Variants in TSGA13 observed in about 807,000 individuals in gnomAD.
The protein encoded by TSGA13 is testis specific 13.
A neutral mutation model predicts 35.1 loss-of-function variants in TSGA13; 37 were observed. The ratio of observed to expected loss-of-function variants is 1.05; its 90% CI spans 0.81 to 1.39. The LOEUF is 1.39. TSGA13 is among the 40% of genes most tolerant of loss of function. The pLI is 0.00. For synonymous variants in TSGA13, 124 were observed against 121.2 expected, an observed-to-expected ratio of 1.02 and a Z score of -0.15; for missense variants, 338 against 328.5, an observed-to-expected ratio of 1.03 and a Z score of -0.22.
At position 130,679,519 on chromosome 7, in the gene TSGA13, G is replaced by GTT. The variant is rs535011256; in HGVS notation, c.175-154_175-153dup. ...TGTAGGGTTTTTTGGTTTTGTTTTTGTTTTTTTTGAGACGGAGTCTCACTC... is the reference window on the plus strand; with the variant it reads ...TGTAGGGTTTTTTGGTTTTGTTTTTGTTTTTTTTTTGAGACGGAGTCTCACTC... On this transcript the variant is annotated intron_variant, in intron 4 of 7. Coordinates refer to ENST00000356588, the MANE Select transcript of TSGA13 (RefSeq NM_052933.4). The GTT allele has an allele frequency of 3.1e-4, 226 of 737,370 alleles. No homozygotes were observed. In the African/African-American group the frequency reaches 3.4e-3, roughly 11 times the overall value. 45.7% of individuals were successfully genotyped at this position (737,370 alleles called of 1,614,324 possible).
chr7:130,685,312 AAT>A lies in TSGA13; in HGVS notation c.-104_-103del. 6.3e-7 allele frequency: 1 copy of A among 1,585,984 alleles called. No individual in the cohort carries two copies. The highest frequency in any genetic ancestry group is 2.3e-5 in the East Asian group (1 of 44,062). ...TTCTGCAGGGGTTCAATTCAATCCA[AAT>A]ATTCTTTCCTTAGCACACAGTGTGT... On this transcript the variant is annotated 5_prime_UTR_variant, in exon 2 of 8. The change abolishes the stop of an existing upstream ORF in the 5' untranslated region. Transcript: ENST00000356588.
rs782599084 is a variant in TSGA13 at position 130,672,782 on chromosome 7, G to T, written c.482C>A (p.Pro161His). The T allele has an allele frequency of 1.2e-6, 2 of 1,614,138 alleles. No individual in the cohort carries two copies. The highest frequency in any genetic ancestry group is 1.7e-6 in the Non-Finnish European group (2 of 1,179,988). Residue 161 changes from proline (P) to histidine (H), a missense_variant, in exon 6 of 8, where the codon CCT (proline) becomes CAT (histidine). By Grantham distance (77) the Pro-to-His change is moderately conservative (BLOSUM62 -2). Coordinates refer to ENST00000356588, the MANE Select transcript of TSGA13 (RefSeq NM_052933.4). ...KLRSKLKPIF[P>H]LILSDDPTSK... ...TGTGGGATCATCCGACAGTATCAAA[G>T]GGAAGATTGGTTTCAGCTTAGATCT... is the stretch of plus-strand genomic sequence containing the variant.
chr7:130,683,325 G>GT (rs1199488773), intron 3 of TSGA13, among the ~76,000 whole-genome samples: 2 of 152,200 alleles, frequency 1.3e-5, no homozygotes, highest in East Asian at 1.9e-4. Flanking sequence ...TAAAGTCTGC[G>GT]TAAGTTAGGG....
chr7:130,668,699 C>A lies in TSGA13; in HGVS notation c.*315G>T, dbSNP rs781856609. ...ACGACTTCCCAGCGCCCAGACCCAC[C>A]GCAACCGTCCCAGGCGCCGCAGCCG... On this transcript the variant is annotated 3_prime_UTR_variant, in exon 8 of 8. Coordinates refer to ENST00000356588, the MANE Select transcript of TSGA13 (RefSeq NM_052933.4). 6 of 1,519,286 alleles carry A rather than the reference C, an allele frequency of 3.9e-6. No individual in the cohort carries two copies. Among genetic ancestry groups the A allele is most frequent in the East Asian group, 2.8e-5 (1 of 35,440 alleles). 94.1% of individuals were successfully genotyped at this position (1,519,286 alleles called of 1,614,324 possible).
chr7:130,684,145 A>G (rs557104591), intron 2 of TSGA13, among the ~76,000 whole-genome samples: 1 of 152,216 alleles, frequency 6.6e-6, no homozygotes, highest in Non-Finnish European at 1.5e-5. Flanking sequence ...GAATATAGTT[A>G]ATAGAACCTC....
rs575662543 is a variant in TSGA13, at chr7:130,668,872, C to G, written c.*142G>C. On this transcript the variant is annotated 3_prime_UTR_variant, in exon 8 of 8. Transcript: ENST00000356588. ...GCCCCCTTCTCCTCTTGCGGCCCGC[C>G]GGAGACTTCGGCTCGACCCTCCCGG... 110 of 1,386,526 alleles carry G rather than the reference C, an allele frequency of 7.9e-5. No homozygotes were observed. The highest frequency in any genetic ancestry group is 6.7e-4 in the African/African-American group (45 of 67,538). 85.9% of individuals were successfully genotyped at this position (1,386,526 alleles called of 1,614,324 possible).
At chr7:130,680,874 C>T (rs1796529485) in intron 4 of TSGA13, 72 bp downstream of exon 4, 2 of 1,392,458 alleles carry the variant, frequency 1.4e-6, no homozygotes, top group Non-Finnish European at 2.0e-6. Context: ...ATTAGGGACA[C>T]TCGCAGTGGG....
In TSGA13 at chr7:130,668,855, C is replaced by T. The variant is rs1377310870; in HGVS notation, c.*159G>A. The T allele has an allele frequency of 2.2e-6, 3 of 1,347,222 alleles. No homozygotes were observed. The African/African-American group carries it at 4.5e-5, about 20-fold the overall frequency. The allele number at this position is 1,347,222 out of a possible 1,614,324, so 83.5% of individuals were successfully genotyped here. A position where few individuals can be genotyped will look rare whatever the true frequency, so the allele number is the denominator to read the frequency against. Reference sequence around the variant, plus strand: ...CCCCGGGACGCAGCCACGCCCCCTTCTCCTCTTGCGGCCCGCCGGAGACTT... The same window carrying T: ...CCCCGGGACGCAGCCACGCCCCCTTTTCCTCTTGCGGCCCGCCGGAGACTT... On this transcript the variant is annotated 3_prime_UTR_variant, in exon 8 of 8. Transcript: ENST00000356588.
intron 2 of TSGA13, among the ~76,000 whole-genome samples, chr7:130,684,506 T>C (rs1796617012): frequency 6.6e-6 from 1 of 152,214 alleles, no homozygotes; most frequent in Non-Finnish European, 1.5e-5. Flanking sequence ...TAAGAAGAAT[T>C]ATGCAACTAT....
chr7:130,683,191 T>G (rs988683039), intron 3 of TSGA13, among the ~76,000 whole-genome samples: 1 of 152,214 alleles, frequency 6.6e-6, no homozygotes, highest in African/African-American at 2.4e-5. Context: ...TTTAGTTTTG[T>G]TATGTTGAAT....
At chr7:130,673,300 G>C (rs1554463653) in intron 5 of TSGA13, among the ~76,000 whole-genome samples, 1 of 152,114 alleles carries the variant, frequency 6.6e-6, no homozygotes. Flanking sequence ...TCCTTAATGA[G>C]AAGGCCATGG....
chr7:130,668,855 C>G lies in TSGA13; in HGVS notation c.*159G>C. On this transcript the variant is annotated 3_prime_UTR_variant, in exon 8 of 8. Transcript: ENST00000356588. ...CCCCGGGACGCAGCCACGCCCCCTTCTCCTCTTGCGGCCCGCCGGAGACTT... is the reference window on the plus strand; with the variant it reads ...CCCCGGGACGCAGCCACGCCCCCTTGTCCTCTTGCGGCCCGCCGGAGACTT... 7.4e-7 allele frequency: 1 copy of G among 1,347,342 alleles called. No homozygotes were observed. The highest frequency in any genetic ancestry group is 1.0e-6 in the Non-Finnish European group (1 of 996,110). 83.5% of individuals were successfully genotyped at this position (1,347,342 alleles called of 1,614,324 possible).
intron 2 of TSGA13, 93 bp from the exon 3 acceptor site, chr7:130,683,765 C>G: frequency 1.7e-6 from 2 of 1,153,620 alleles, no homozygotes; most frequent in South Asian, 2.8e-5. Flanking sequence ...GTTTGGAAGC[C>G]TAACTCAGAC....
chr7:130,685,508 A>T, intron 1 of TSGA13, 148 bp from the exon 2 acceptor site: 1 of 691,680 alleles, frequency 1.4e-6, no homozygotes, highest in Non-Finnish European at 2.0e-6. Context: ...AACAATAGTG[A>T]CAAATACATG....
At chr7:130,683,095 A>T (rs1796586345) in intron 3 of TSGA13, among the ~76,000 whole-genome samples, 1 of 152,154 alleles carries the variant, frequency 6.6e-6, no homozygotes, top group African/African-American at 2.4e-5. Context: ...TTTACTCCTG[A>T]AGTTTTTTGA....
intron 7 of TSGA13, 53 bp from the exon 8 acceptor site, chr7:130,669,236 A>G (rs1796187595): frequency 1.2e-6 from 2 of 1,607,594 alleles, no homozygotes; most frequent in Non-Finnish European, 1.7e-6. Flanking sequence ...AAGTACTCGA[A>G]GGATACTTAA....
intron 7 of TSGA13, 98 bp downstream of exon 7, chr7:130,671,563 G>A (rs541557590): frequency 1.6e-5 from 21 of 1,331,830 alleles, no homozygotes; most frequent in Middle Eastern, 3.0e-4. Context: ...GGACTACCAC[G>A]AGAGAAGCCA....
At chr7:130,685,072 A>G in intron 2 of TSGA13, 116 bp downstream of exon 2, 1 of 1,076,174 alleles carries the variant, frequency 9.3e-7, no homozygotes, top group Non-Finnish European at 1.4e-6. Flanking sequence ...AGTCAATTAA[A>G]ATATGTTTAA....
chr7:130,681,032 C>T lies in TSGA13; in HGVS notation c.103-15G>A, dbSNP rs782160088. 2 of 1,613,542 alleles carry T rather than the reference C, an allele frequency of 1.2e-6. No homozygotes were observed. The highest frequency in any genetic ancestry group is 1.7e-5 in the Admixed American group (1 of 60,022). The stretch of plus-strand genomic sequence containing the variant: ...GCATCAGAAATCTAAAGAGGATAAT[C>T]AAAGTTAGTGGTTTGAAGTTGCACC... On this transcript the variant is annotated splice_polypyrimidine_tract_variant and intron_variant, in intron 3 of 7. Transcript: ENST00000356588.
Sources: allele counts gnomAD v4.1 joint callset (sites outside exome capture counted in the v4.1 genomes callset), GRCh38; gene constraint gnomAD v4.1.1; transcripts MANE v1.5; gene names NCBI Gene and HGNC (gene_info 2026-07-23, HGNC 2026-07-21).